The following VPS53 variants were observed in gnomAD, a reference collection of about 807,000 sequenced individuals.
VPS53 encodes VPS53 subunit of GARP complex.
A neutral mutation model predicts 107.0 loss-of-function variants in VPS53; 70 were observed. The ratio of observed to expected loss-of-function variants is 0.65; its 90% CI spans 0.54 to 0.80. The LOEUF is 0.80. Ranked by LOEUF, VPS53 falls within the 30% of genes least tolerant of loss-of-function variation. The probability of loss-of-function intolerance (pLI) is 0.00; values close to 1 mark genes in which losing one functional copy is unlikely to be tolerated. For synonymous variants in VPS53, 409 were observed against 393.3 expected, an observed-to-expected ratio of 1.04 and a Z score of -0.47; for missense variants, 917 against 1,049.4, an observed-to-expected ratio of 0.87 and a Z score of 1.74.
At chr17:558,336 G>A (rs1343878808) in intron 15 of VPS53, among the ~76,000 whole-genome samples, 2 of 151,940 alleles carry the variant, frequency 1.3e-5, no homozygotes, top group African/African-American at 2.4e-5. Context: ...GTGTGGTAGC[G>A]GGTGCCTGTA....
intron 18 of VPS53, among the ~76,000 whole-genome samples, chr17:535,548 T>C (rs961843764): frequency 6.6e-6 from 1 of 152,158 alleles, no homozygotes; most frequent in Non-Finnish European, 1.5e-5. Flanking sequence ...TGGGACTGGC[T>C]AAGTCAACGG....
chr17:545,474 G>C (rs1911108796), intron 17 of VPS53, among the ~76,000 whole-genome samples: 1 of 152,184 alleles, frequency 6.6e-6, no homozygotes, highest in African/African-American at 2.4e-5. Flanking sequence ...AAAGGTTTCA[G>C]GGATTCTATG....
intron 3 of VPS53, 137 bp downstream of exon 3, chr17:699,194 T>G: frequency 1.9e-6 from 1 of 532,860 alleles, no homozygotes; most frequent in Non-Finnish European, 2.9e-6. Context: ...AATAAAAATT[T>G]TAAAAGGAAT....
intron 12 of VPS53, among the ~76,000 whole-genome samples, chr17:591,818 T>C (rs1352602656): frequency 3.3e-5 from 5 of 152,168 alleles, no homozygotes; most frequent in Non-Finnish European, 5.9e-5. Flanking sequence ...TTGGAATAGA[T>C]GTGGTGTGGT....
chr17:703,835 C>T lies in VPS53; in HGVS notation c.169-4455G>A, dbSNP rs1973302016. Among the ~76,000 whole-genome samples, 4 of 148,728 alleles carry T rather than the reference C, an allele frequency of 2.7e-5. No homozygotes were observed. In the South Asian group the frequency reaches 6.3e-4, roughly 24 times the overall value. ...TTTTTTTTTAAGGCAGGATCTCATT[C>T]TGTCACCCAGGCTGCAGTGCAGTGG... On this transcript the variant is annotated intron_variant, in intron 2 of 21. Transcript: ENST00000437048.
rs912727778 is a variant in VPS53 at position 513,412 on chromosome 17, G to A, written c.*5716C>T. 6.6e-6 allele frequency: 1 copy of A among 152,156 alleles called. No homozygotes were observed. Among genetic ancestry groups the A allele is most frequent in the Admixed American group, 6.5e-5 (1 of 15,280 alleles). The allele number at this position is 152,156 out of a possible 1,614,324, so 9.4% of individuals were successfully genotyped here. A position where few individuals can be genotyped will look rare whatever the true frequency, so the allele number is the denominator to read the frequency against. On this transcript the variant is annotated 3_prime_UTR_variant, in exon 22 of 22. Coordinates refer to ENST00000437048, the MANE Select transcript of VPS53 (RefSeq NM_001128159.3). ...GGCTATTCTGATGAATACTAAAACA[G>A]GACTGGGAATTTTTATTTAATATAT... is the stretch of plus-strand genomic sequence containing the variant.
chr17:626,282 G>GT (rs941496227), intron 10 of VPS53, among the ~76,000 whole-genome samples: 29 of 152,166 alleles, frequency 1.9e-4, no homozygotes, highest in East Asian at 3.9e-4. Flanking sequence ...TGGGCTTTGG[G>GT]TTTTTTTAAT....
At position 560,594 on chromosome 17, in the gene VPS53, C is replaced by G. The variant is rs1447824796; in HGVS notation, c.1557-21G>C. 21 of 1,606,828 alleles carry G rather than the reference C, an allele frequency of 1.3e-5. No homozygotes were observed. In the Admixed American group the frequency reaches 3.6e-4, roughly 27 times the overall value. ...TGGTTCTGAAGAAAAGGAACAGGAA[C>G]AAGTCAGCATGGAATTTCTAATTTG... On this transcript the variant is annotated intron_variant, in intron 14 of 21. Coordinates refer to ENST00000437048, the MANE Select transcript of VPS53 (RefSeq NM_001128159.3).
chr17:648,459 G>A (rs369999631), intron 7 of VPS53, among the ~76,000 whole-genome samples: 2 of 152,176 alleles, frequency 1.3e-5, no homozygotes, highest in African/African-American at 4.8e-5. Context: ...GCTGAGGCAG[G>A]AGAATTGCTT....
chr17:691,114 T>C (rs187067731), intron 4 of VPS53, among the ~76,000 whole-genome samples: 4 of 152,198 alleles, frequency 2.6e-5, no homozygotes, highest in East Asian at 1.9e-4. Flanking sequence ...GGTCTGGAAA[T>C]TGCATTATAA....
chr17:661,475 C>T (rs1376212443), intron 5 of VPS53, among the ~76,000 whole-genome samples: 2 of 147,268 alleles, frequency 1.4e-5, no homozygotes, highest in South Asian at 2.2e-4. Context: ...GAGCCAAGAT[C>T]GCACCACTGC....
chr17:689,452 C>T (rs913953881), intron 4 of VPS53, among the ~76,000 whole-genome samples: 4 of 149,138 alleles, frequency 2.7e-5, no homozygotes, highest in Admixed American at 1.3e-4. Flanking sequence ...TTTGTGCCAC[C>T]ATGCTGGACT....
At chr17:695,238 G>T (rs757800745) in intron 4 of VPS53, among the ~76,000 whole-genome samples, 4 of 152,154 alleles carry the variant, frequency 2.6e-5, no homozygotes, top group Non-Finnish European at 4.4e-5. Context: ...GTAAAATGAG[G>T]GGAGGGGCCC....
At chr17:528,577 C>T (rs1909288681) in intron 19 of VPS53, among the ~76,000 whole-genome samples, 2 of 147,176 alleles carry the variant, frequency 1.4e-5, no homozygotes, top group African/African-American at 2.5e-5. Flanking sequence ...TTTGTGTGAA[C>T]ACATTTTTTT....
At chr17:561,061 G>C (rs1912918743) in intron 14 of VPS53, among the ~76,000 whole-genome samples, 1 of 152,228 alleles carries the variant, frequency 6.6e-6, no homozygotes, top group Non-Finnish European at 1.5e-5. Context: ...TGAATGTTAA[G>C]AAAAGTCTGC....
chr17:615,540 G>A (rs1969098142), intron 11 of VPS53, among the ~76,000 whole-genome samples: 2 of 152,168 alleles, frequency 1.3e-5, no homozygotes, highest in Admixed American at 1.3e-4. Context: ...AGCCTAGGGA[G>A]GGGCAGCAAG....
At chr17:658,188 A>G (rs113001388) in intron 5 of VPS53, among the ~76,000 whole-genome samples, 26 of 138,808 alleles carry the variant, frequency 1.9e-4, no homozygotes, top group Admixed American at 2.9e-4. Context: ...TGAGAAACTC[A>G]GCAGGGAGTT....
intron 4 of VPS53, among the ~76,000 whole-genome samples, chr17:693,006 T>C (rs1972829472): frequency 6.6e-6 from 1 of 152,094 alleles, no homozygotes; most frequent in Admixed American, 6.6e-5. Flanking sequence ...TGGTGGTGCA[T>C]GCCTGTAATC....
At chr17:553,978 A>T in intron 15 of VPS53, among the ~76,000 whole-genome samples, 1 of 152,150 alleles carries the variant, frequency 6.6e-6, no homozygotes, top group East Asian at 1.9e-4. Flanking sequence ...CCAGGAATCA[A>T]ACTTCCTCCA....
Sources: gnomAD v4.1 joint callset for allele counts (sites outside exome capture counted in the v4.1 genomes callset) on GRCh38, gnomAD v4.1.1 for gene constraint, MANE v1.5 for transcripts, NCBI Gene and HGNC (gene_info 2026-07-23, HGNC 2026-07-21) for gene names.